The following ST6GALNAC3 variants were observed in gnomAD, a reference collection of about 807,000 sequenced individuals.
ST6GALNAC3 encodes the protein ST6 N-acetylgalactosaminide alpha-2,6-sialyltransferase 3, also known as alpha-N-acetylgalactosaminide alpha-2,6-sialyltransferase 3.
Under a neutral mutation model 32.7 loss-of-function variants are expected in ST6GALNAC3, and 25 were observed. The ratio of observed to expected loss-of-function variants is 0.76; its 90% CI spans 0.56 to 1.07. The LOEUF (loss-of-function observed/expected upper bound fraction) is 1.07, where lower values mean the gene tolerates loss of function less well. Among genes scored for constraint, ST6GALNAC3 ranks in the 50% least tolerant of loss-of-function variants. The pLI, the probability that ST6GALNAC3 is intolerant of heterozygous loss-of-function variation, is 0.00. For synonymous variants in ST6GALNAC3, 129 were observed against 133.1 expected (o/e 0.97, Z 0.21); for missense variants, 355 against 382.4 (o/e 0.93, Z 0.60).
intron 1 of ST6GALNAC3, among the ~76,000 whole-genome samples, chr1:76,105,619 T>C (rs1647471114): frequency 6.6e-6 from 1 of 152,182 alleles, no homozygotes; most frequent in South Asian, 2.1e-4. Context: ...CACTTTTTCT[T>C]CCTTTCTGAT....
intron 2 of ST6GALNAC3, among the ~76,000 whole-genome samples, chr1:76,396,443 C>T (rs1022600272): frequency 1.3e-5 from 2 of 152,164 alleles, no homozygotes; most frequent in African/African-American, 4.8e-5. Context: ...CCTACTTGGG[C>T]AACAGAGGGA....
chr1:76,311,270 G>T (rs149017460), intron 1 of ST6GALNAC3, among the ~76,000 whole-genome samples: 27 of 110,250 alleles, frequency 2.4e-4, no homozygotes, highest in Non-Finnish European at 4.2e-4. Flanking sequence ...CCCCCACCCC[G>T]CCTTTTTTTT....
chr1:76,452,317 C>CCT (rs1234239704), intron 3 of ST6GALNAC3, among the ~76,000 whole-genome samples: 1 of 152,164 alleles, frequency 6.6e-6, no homozygotes, highest in Non-Finnish European at 1.5e-5. Flanking sequence ...GATTGTGAGG[C>CCT]CTCCCCAGTC....
chr1:76,593,835 G>C (rs1449052064), intron 3 of ST6GALNAC3, among the ~76,000 whole-genome samples: 1 of 152,130 alleles, frequency 6.6e-6, no homozygotes, highest in Non-Finnish European at 1.5e-5. Flanking sequence ...AATGGTTTCA[G>C]TATGATGTAA....
At chr1:76,432,726 G>A (rs1655853605) in intron 3 of ST6GALNAC3, among the ~76,000 whole-genome samples, 2 of 151,846 alleles carry the variant, frequency 1.3e-5, no homozygotes, top group Admixed American at 1.3e-4. Flanking sequence ...CAGAGTGCTG[G>A]GATTACAGGC....
rs985670464 is a variant in ST6GALNAC3, at chr1:76,632,599, G to A, written c.*3793G>A. 2 of 152,130 alleles carry A rather than the reference G, an allele frequency of 1.3e-5. No homozygotes were observed. The allele number at this position is 152,130 out of a possible 1,614,324, so 9.4% of individuals were successfully genotyped here. ...AGATTGCTCTTGGAGGATTTGGTATGAATCAGCTGAGGTAGGAACAAGAGT... is the reference window on the plus strand; with the variant it reads ...AGATTGCTCTTGGAGGATTTGGTATAAATCAGCTGAGGTAGGAACAAGAGT... On this transcript the variant is annotated 3_prime_UTR_variant, in exon 5 of 5. Transcript: ENST00000328299.
chr1:76,398,978 A>G (rs1310357421), intron 2 of ST6GALNAC3, among the ~76,000 whole-genome samples: 1 of 152,190 alleles, frequency 6.6e-6, no homozygotes, highest in Non-Finnish European at 1.5e-5. Context: ...TGGATTATGA[A>G]TGATAAGGAC....
intron 3 of ST6GALNAC3, among the ~76,000 whole-genome samples, chr1:76,481,398 G>GATCT (rs1557468711): frequency 6.6e-6 from 1 of 152,152 alleles, no homozygotes; most frequent in African/African-American, 2.4e-5. Flanking sequence ...TAGAGTAGGT[G>GATCT]ATCTCCCTTG....
At chr1:76,322,755 C>T (rs1159067001) in intron 2 of ST6GALNAC3, among the ~76,000 whole-genome samples, 1 of 151,600 alleles carries the variant, frequency 6.6e-6, no homozygotes, top group East Asian at 1.9e-4. Flanking sequence ...TGCCCCCCAC[C>T]CCCCCACAAG....
At chr1:76,580,959 G>A (rs1234992002) in intron 3 of ST6GALNAC3, among the ~76,000 whole-genome samples, 2 of 152,004 alleles carry the variant, frequency 1.3e-5, no homozygotes, top group African/African-American at 2.4e-5. Flanking sequence ...GAGTGTTATG[G>A]GATTTTATGC....
At chr1:76,585,660 A>C (rs571995568) in intron 3 of ST6GALNAC3, among the ~76,000 whole-genome samples, 39 of 152,298 alleles carry the variant, frequency 2.6e-4, no homozygotes, top group Middle Eastern at 3.4e-3. Flanking sequence ...CATGTGGCAG[A>C]AAGTGAATAA....
At chr1:76,621,954 C>A (rs1186631048) in intron 3 of ST6GALNAC3, among the ~76,000 whole-genome samples, 1 of 152,012 alleles carries the variant, frequency 6.6e-6, no homozygotes, top group Non-Finnish European at 1.5e-5. Flanking sequence ...CTTTTAAATT[C>A]TCTTTTTACC....
At chr1:76,299,711 C>A (rs1660616408) in intron 1 of ST6GALNAC3, among the ~76,000 whole-genome samples, 1 of 152,018 alleles carries the variant, frequency 6.6e-6, no homozygotes, top group Non-Finnish European at 1.5e-5. Flanking sequence ...ATTGGTAATT[C>A]TTCCCTGGGG....
rs561741776 is a variant in ST6GALNAC3, at chr1:76,479,987, G to A, written c.623+67570G>A. On this transcript the variant is annotated intron_variant, in intron 3 of 4. Transcript: ENST00000328299. Reference sequence around the variant, plus strand: ...TTAAATACAATGTACTGACCTGAAAGTAGTCAAGTTATCTATAGCTACTGG... The same window carrying A: ...TTAAATACAATGTACTGACCTGAAAATAGTCAAGTTATCTATAGCTACTGG... 1.9e-4 allele frequency among the ~76,000 whole-genome samples: 29 copies of A among 152,204 alleles called. No individual in the cohort carries two copies. The East Asian group carries it at 5.0e-3, about 26-fold the overall frequency.
At chr1:76,624,707 T>G (rs1363276940) in intron 3 of ST6GALNAC3, among the ~76,000 whole-genome samples, 3 of 151,924 alleles carry the variant, frequency 2.0e-5, no homozygotes, top group Non-Finnish European at 2.9e-5. Flanking sequence ...GCCTTGGCCT[T>G]CGTCAGCCAT....
intron 3 of ST6GALNAC3, among the ~76,000 whole-genome samples, chr1:76,457,227 T>C (rs891493785): frequency 2.0e-5 from 3 of 152,062 alleles, no homozygotes; most frequent in African/African-American, 7.2e-5. Context: ...TGGAAGAACA[T>C]TCCATGCTCA....
chr1:76,214,158 A>G lies in ST6GALNAC3; in HGVS notation c.19-99647A>G, dbSNP rs575426031. Among the ~76,000 whole-genome samples, 4 of 152,294 alleles carry G rather than the reference A, an allele frequency of 2.6e-5. No homozygotes were observed. In the East Asian group the frequency reaches 7.7e-4, roughly 29 times the overall value. Reference sequence around the variant, plus strand: ...TGGCAGCCACTACTCATATGTGACTATTTAAATTTAAGTTTAAGTTAAAAT... The same window carrying G: ...TGGCAGCCACTACTCATATGTGACTGTTTAAATTTAAGTTTAAGTTAAAAT... On this transcript the variant is annotated intron_variant, in intron 1 of 4. Transcript: ENST00000328299.
intron 3 of ST6GALNAC3, among the ~76,000 whole-genome samples, chr1:76,583,004 A>G (rs139816374): frequency 0.011 from 1,658 of 152,314 alleles, 32 homozygotes; most frequent in African/African-American, 0.039. Flanking sequence ...ATAGTTTCTC[A>G]AAAGAATTAT....
rs66473246 is a variant in ST6GALNAC3, at chr1:76,397,369, C to CTTTTT, written c.214-14626_214-14622dup. 7.4e-4 allele frequency among the ~76,000 whole-genome samples: 92 copies of CTTTTT among 124,074 alleles called. 5 individuals are homozygous for CTTTTT. The highest frequency in any genetic ancestry group is 1.2e-3 in the Admixed American group (13 of 10,974). The allele number at this position is 124,074 out of a possible 152,430, so 81.4% of individuals were successfully genotyped here. A position where few individuals can be genotyped will look rare whatever the true frequency, so the allele number is the denominator to read the frequency against. On this transcript the variant is annotated intron_variant, in intron 2 of 4. Transcript: ENST00000328299. ...TTGCAGCTCATTCTTCTATAAGATG[C>CTTTTT]TTTTTTTTTTTTTTTTTCTGAGATG...
Sources: gnomAD v4.1 joint callset for allele counts (sites outside exome capture counted in the v4.1 genomes callset) on GRCh38, gnomAD v4.1.1 for gene constraint, MANE v1.5 for transcripts, NCBI Gene and HGNC (gene_info 2026-07-23, HGNC 2026-07-21) for gene names.